Variants in NELFB observed in about 807,000 individuals in gnomAD.
The protein encoded by NELFB is negative elongation factor B.
NELFB carries 34 observed loss-of-function variants against 60.2 expected under a neutral mutation model. The observed-to-expected ratio is 0.56, with a 90% CI of 0.43 to 0.75. NELFB has a LOEUF of 0.75. Among genes scored for constraint, NELFB ranks in the 30% least tolerant of loss-of-function variants. The probability of loss-of-function intolerance (pLI) is 0.00; values close to 1 mark genes in which losing one functional copy is unlikely to be tolerated. For missense variants in NELFB, 770 were observed against 831.6 expected (o/e 0.93, Z 0.91); for synonymous variants, 459 against 382.1 (o/e 1.20, Z -2.35).
chr9:137,266,522 GCC>G, intron 8 of NELFB, 96 bp downstream of exon 8: 1 of 1,060,656 alleles, frequency 9.4e-7, no homozygotes, highest in South Asian at 1.5e-5. Flanking sequence ...GATTGTGGAG[GCC>G]CCTTTGGTCC....
rs1178754717 is a variant in NELFB, at chr9:137,263,212, C to T, written c.917C>T (p.Pro306Leu). The T allele has an allele frequency of 4.3e-6, 7 of 1,610,978 alleles. No individual in the cohort carries two copies. In the African/African-American group the frequency reaches 5.3e-5, roughly 12 times the overall value. ...GTGGGTGAAATCTGCACCGTGGACCCGTGCCACAAGGTAGCACTGCCCTCC... is the reference window on the plus strand; with the variant it reads ...GTGGGTGAAATCTGCACCGTGGACCTGTGCCACAAGGTAGCACTGCCCTCC... The change falls in exon 5 of 13, where the codon CCG (proline) becomes CTG (leucine). Residue 306 changes from proline to leucine, a missense_variant. Coordinates refer to ENST00000343053, the MANE Select transcript of NELFB (RefSeq NM_015456.5).
At chr9:137,272,335 G>T in intron 11 of NELFB, 113 bp downstream of exon 11, 1 of 1,530,596 alleles carries the variant, frequency 6.5e-7, no homozygotes, top group Non-Finnish European at 8.9e-7. Flanking sequence ...AGGTGGGTCT[G>T]TTGGGCACCA....
chr9:137,264,179 T>A, intron 5 of NELFB, 66 bp from the exon 6 acceptor site: 1 of 1,274,408 alleles, frequency 7.8e-7, no homozygotes, highest in Non-Finnish European at 1.1e-6. Context: ...GAGCTGTGTT[T>A]GGGGCCTGGG....
chr9:137,261,447 C>T (rs995403875), intron 4 of NELFB, among the ~76,000 whole-genome samples: 3 of 151,640 alleles, frequency 2.0e-5, no homozygotes, highest in African/African-American at 7.3e-5. Flanking sequence ...CACCTGAGCT[C>T]AGAAGTTCAA....
intron 7 of NELFB, 119 bp from the exon 8 acceptor site, chr9:137,266,212 A>T (rs1564444526): frequency 2.3e-6 from 2 of 885,584 alleles, no homozygotes; most frequent in Non-Finnish European, 3.5e-6. Flanking sequence ...TGGTGATCGC[A>T]GTCGTGTGGT....
rs763254073 is a variant in NELFB, at chr9:137,256,921, C to T, written c.608C>T (p.Ala203Val). Residue 203 changes from alanine (A) to valine (V), a missense_variant, in exon 4 of 13, where the codon GCC (alanine) becomes GTC (valine). Transcript: ENST00000343053. ...CGGCAGATCTGGCAAGACAACCAGG[C>T]CCTCTTCGGGGACGAGGTTTCCCCA... 2.5e-6 allele frequency: 4 copies of T among 1,614,080 alleles called. No homozygotes were observed. The highest frequency in any genetic ancestry group is 3.3e-5 in the Admixed American group (2 of 60,010).
chr9:137,263,019 C>G lies in NELFB; in HGVS notation c.742-18C>G, dbSNP rs1467004868. On this transcript the variant is annotated intron_variant, in intron 4 of 12. Coordinates refer to ENST00000343053, the MANE Select transcript of NELFB (RefSeq NM_015456.5). ...AGCCCAGGACGGTCTGGGGGCCTGA[C>G]AGTGCCTCTTGCTGCAGGTGGTGCA... The G allele has an allele frequency of 1.2e-6, 2 of 1,607,388 alleles. No homozygotes were observed. Among genetic ancestry groups the G allele is most frequent in the Non-Finnish European group, 1.7e-6 (2 of 1,174,734 alleles).
Position 137,272,956 on chromosome 9 carries a change from G to T in NELFB, c.*28G>T. The T allele has an allele frequency of 6.8e-7, 1 of 1,481,450 alleles. No individual in the cohort carries two copies. Among genetic ancestry groups the T allele is most frequent in the Non-Finnish European group, 9.0e-7 (1 of 1,111,798 alleles). 91.8% of individuals were successfully genotyped at this position (1,481,450 alleles called of 1,614,324 possible). On this transcript the variant is annotated 3_prime_UTR_variant, in exon 13 of 13. Coordinates refer to ENST00000343053, the MANE Select transcript of NELFB (RefSeq NM_015456.5). ...GCCCTCCAGACCTGCTCGGGTGCTGGGGCCATGCCGAGTCGCGGCCCTGCT... is the reference window on the plus strand; with the variant it reads ...GCCCTCCAGACCTGCTCGGGTGCTGTGGCCATGCCGAGTCGCGGCCCTGCT...
rs1167587340 is a variant in NELFB, at chr9:137,268,767, C to G, written c.1489+1421C>G. Among the ~76,000 whole-genome samples, 9 of 151,894 alleles carry G rather than the reference C, an allele frequency of 5.9e-5. No individual in the cohort carries two copies. The East Asian group carries it at 1.7e-3, about 29-fold the overall frequency. ...GACAGAGATGAGAGACAGAGACACA[C>G]AGACCAAGATGAGAGACAAAGATGA... On this transcript the variant is annotated intron_variant, in intron 10 of 12. Transcript: ENST00000343053.
Position 137,272,547 on chromosome 9 carries a change from C to T in NELFB, c.1672C>T (p.His558Tyr), listed in dbSNP as rs760486888. ...CCGGCACGCGCTGCGGCTCCTCATT[C>T]ACCTGCACCCCAGGGTGGCCCCGTC... The change falls in exon 12 of 13, where the codon CAC becomes TAC. Residue 558 changes from histidine (H) to tyrosine (Y), a missense_variant. His to Tyr is a moderately conservative substitution (Grantham distance 83). Transcript: ENST00000343053. 3.7e-6 allele frequency: 6 copies of T among 1,612,280 alleles called. No individual in the cohort carries two copies. In the East Asian group the frequency reaches 8.9e-5, roughly 24 times the overall value.
intron 4 of NELFB, among the ~76,000 whole-genome samples, chr9:137,259,025 C>A (rs114731553): frequency 0.018 from 2,674 of 152,000 alleles, 83 homozygotes; most frequent in East Asian, 0.14. Flanking sequence ...GACCTTGTCT[C>A]TACAAGAAAA....
rs1298994560 is a variant in NELFB at position 137,269,061 on chromosome 9, G to A, written c.1489+1715G>A. 6.6e-6 allele frequency among the ~76,000 whole-genome samples: 1 copy of A among 151,926 alleles called. No individual in the cohort carries two copies. Among genetic ancestry groups the A allele is most frequent in the African/African-American group, 2.4e-5 (1 of 41,354 alleles). On this transcript the variant is annotated intron_variant, in intron 10 of 12. Coordinates refer to ENST00000343053, the MANE Select transcript of NELFB (RefSeq NM_015456.5). The surrounding 1 kb of genome is among the most constrained non-coding windows in gnomAD (Gnocchi z 5.3). ...GTGTTGCGTTGGGGATCAGGTTTCC[G>A]ATGGTGAACTTGGGGACACGTCCAC...
rs749128632 is a variant in NELFB at position 137,264,332 on chromosome 9, A to C, written c.1015A>C (p.Lys339Gln). Residue 339 changes from lysine to glutamine, a missense_variant, in exon 6 of 13, where the codon AAG becomes CAG. Transcript: ENST00000343053. Reference sequence around the variant, plus strand: ...GCTGCAGGGGTTTCTCGATGGCGTCAAGAAGGGCCAGGAGCAGGTGCTGGG... The same window carrying C: ...GCTGCAGGGGTTTCTCGATGGCGTCCAGAAGGGCCAGGAGCAGGTGCTGGG... 1 of 1,597,418 alleles carries C rather than the reference A, an allele frequency of 6.3e-7. No individual in the cohort carries two copies. The highest frequency in any genetic ancestry group is 1.1e-5 in the South Asian group (1 of 87,764).
chr9:137,256,633 C>A (rs1432208443), intron 3 of NELFB, among the ~76,000 whole-genome samples, 191 bp from the exon 4 acceptor site: 1 of 152,174 alleles, frequency 6.6e-6, no homozygotes, highest in Non-Finnish European at 1.5e-5. Context: ...GTGTGGGGCC[C>A]CTCCTGGGAA....
Position 137,263,102 on chromosome 9 carries a change from TCTGCGCACGCTCTTC to T in NELFB, c.818_832del (p.Leu273_Thr277del), listed in dbSNP as rs778742418. 11 of 1,614,074 alleles carry T rather than the reference TCTGCGCACGCTCTTC, an allele frequency of 6.8e-6. No individual in the cohort carries two copies. Among genetic ancestry groups the T allele is most frequent in the Admixed American group, 1.7e-5 (1 of 60,010 alleles). The stretch of plus-strand genomic sequence containing the variant: ...AGCTGTACGACATGGTGCTGCAGTT[TCTGCGCACGCTCTTC>T]CTGCGCACGCGGAATGTGCACTACT... On this transcript the variant is annotated inframe_deletion, in exon 5 of 13. Transcript: ENST00000343053.
rs374862518 is a variant in NELFB, at chr9:137,258,496, TG to T, written c.741+1444del. On this transcript the variant is annotated intron_variant, in intron 4 of 12. Coordinates refer to ENST00000343053, the MANE Select transcript of NELFB (RefSeq NM_015456.5). ...CAGAGTCTTGCTCTGTCACCCAGAC[TG>T]GAGTGCAGGGCCTCAATCTCGGCTC... 3.2e-3 allele frequency among the ~76,000 whole-genome samples: 483 copies of T among 151,192 alleles called. 1 individual carries two copies. Among genetic ancestry groups the T allele is most frequent in the African/African-American group, 0.011 (457 of 41,124 alleles).
chr9:137,270,060 C>T (rs1391871374), intron 10 of NELFB, among the ~76,000 whole-genome samples: 1 of 152,148 alleles, frequency 6.6e-6, no homozygotes, highest in Non-Finnish European at 1.5e-5. Context: ...CTCCAACCTC[C>T]CCGGGGTCCA....
intron 4 of NELFB, among the ~76,000 whole-genome samples, chr9:137,259,052 A>C (rs1465440589): frequency 6.6e-6 from 1 of 152,170 alleles, no homozygotes; most frequent in Admixed American, 6.5e-5. Context: ...TAAGCTAAGC[A>C]TGGTGGTGCG....
rs371272657 is a variant in NELFB at position 137,262,637 on chromosome 9, C to T, written c.742-400C>T. Among the ~76,000 whole-genome samples, 11 of 152,334 alleles carry T rather than the reference C, an allele frequency of 7.2e-5. No homozygotes were observed. The East Asian group carries it at 1.7e-3, about 24-fold the overall frequency. ...CATATTTTGTTATACTGGAACAGCTCGTGCCCTTGGTCTCTTGCCTTGGCA... is the reference window on the plus strand; with the variant it reads ...CATATTTTGTTATACTGGAACAGCTTGTGCCCTTGGTCTCTTGCCTTGGCA... On this transcript the variant is annotated intron_variant, in intron 4 of 12. Coordinates refer to ENST00000343053, the MANE Select transcript of NELFB (RefSeq NM_015456.5).
Sources: gnomAD v4.1 joint callset for allele counts (sites outside exome capture counted in the v4.1 genomes callset) on GRCh38, gnomAD v4.1.1 for gene constraint, Gnocchi (gnomAD v3.1) non-coding constraint, MANE v1.5 for transcripts, NCBI Gene and HGNC (gene_info 2026-07-23, HGNC 2026-07-21) for gene names.